SIPA1L1: variants seen among roughly 807,000 people sequenced by gnomAD.
SIPA1L1 encodes signal-induced proliferation-associated 1-like protein 1.
Under a neutral mutation model 162.7 loss-of-function variants are expected in SIPA1L1, and 26 were observed. The ratio of observed to expected loss-of-function variants is 0.16; its 90% CI spans 0.12 to 0.22. The LOEUF (loss-of-function observed/expected upper bound fraction) is 0.22, where lower values mean the gene tolerates loss of function less well. Among genes scored for constraint, SIPA1L1 ranks in the 10% least tolerant of loss-of-function variants. The pLI is 1.00. For missense variants in SIPA1L1, 1,874 were observed against 2,241.0 expected (o/e 0.84, Z 3.31); for synonymous variants, 829 against 837.4 (o/e 0.99, Z 0.17).
chr14:71,472,355 CA>C (rs34186703), intron 2 of SIPA1L1, among the ~76,000 whole-genome samples: 261 of 136,500 alleles, frequency 1.9e-3, no homozygotes, highest in East Asian at 9.4e-3. Context: ...AGGCAAGCCT[CA>C]AAAAAAAAAA....
chr14:71,327,027 T>G (rs889014115), intron 2 of SIPA1L1, among the ~76,000 whole-genome samples: 1 of 151,774 alleles, frequency 6.6e-6, no homozygotes, highest in Admixed American at 6.6e-5. Flanking sequence ...TGGTATTTTT[T>G]GGGCTCATTG....
At chr14:71,598,321 A>G (rs1239525533) in intron 5 of SIPA1L1, 1 of 657,890 alleles carries the variant, frequency 1.5e-6, no homozygotes, top group Non-Finnish European at 1.9e-6. Context: ...CAGGATTTGC[A>G]TGATCTCCAG....
intron 2 of SIPA1L1, among the ~76,000 whole-genome samples, chr14:71,420,895 T>A (rs1328089397): frequency 6.6e-6 from 1 of 152,210 alleles, no homozygotes; most frequent in African/African-American, 2.4e-5. Flanking sequence ...TAGTCCATGT[T>A]TTCTCTATTG....
chr14:71,360,511 C>T (rs1393481107), intron 2 of SIPA1L1, among the ~76,000 whole-genome samples: 2 of 152,186 alleles, frequency 1.3e-5, no homozygotes, highest in Non-Finnish European at 2.9e-5. Flanking sequence ...ATGTACAAGC[C>T]TCTCTTTGGA....
At chr14:71,595,004 A>G (rs2035866807) in intron 5 of SIPA1L1, among the ~76,000 whole-genome samples, 1 of 152,180 alleles carries the variant, frequency 6.6e-6, no homozygotes, top group African/African-American at 2.4e-5. Context: ...GTGATCTCAA[A>G]GTCCCAGCGT....
chr14:71,411,810 C>G (rs2042426738), intron 2 of SIPA1L1, among the ~76,000 whole-genome samples: 1 of 152,152 alleles, frequency 6.6e-6, no homozygotes, highest in East Asian at 1.9e-4. Flanking sequence ...TTGGGTAGTT[C>G]CTGTGTACAC....
intron 4 of SIPA1L1, among the ~76,000 whole-genome samples, chr14:71,531,437 G>C (rs2053437955): frequency 6.6e-6 from 1 of 151,942 alleles, no homozygotes; most frequent in African/African-American, 2.4e-5. Context: ...TCAGTCATCT[G>C]GGAGCCTCCT....
chr14:71,580,037 G>T (rs1259432803), intron 4 of SIPA1L1, among the ~76,000 whole-genome samples: 1 of 152,200 alleles, frequency 6.6e-6, no homozygotes, highest in South Asian at 2.1e-4. Context: ...ATTTGTCTTA[G>T]AGATGCAGAT....
In SIPA1L1 at chr14:71,547,292, CTTTTTTT is replaced by C. The variant is rs753714304; in HGVS notation, c.-303+17938_-303+17944del. Among the ~76,000 whole-genome samples, 5 of 111,278 alleles carry C rather than the reference CTTTTTTT, an allele frequency of 4.5e-5. No homozygotes were observed. The South Asian group carries it at 1.0e-3, about 22-fold the overall frequency. 73.0% of individuals were successfully genotyped at this position (111,278 alleles called of 152,430 possible). ...GATTCGTCACTTAATATGAAAATAA[CTTTTTTT>C]TTTTTTTTTTTTTTTGAGATGGAGT... On this transcript the variant is annotated intron_variant, in intron 4 of 23. Transcript: ENST00000381232.
At position 71,590,021 on chromosome 14, in the gene SIPA1L1, TAAAAAAAA is replaced by T. The variant is rs200463823; in HGVS notation, c.1498+668_1498+675del. ...CTAATCTTTTCTTTGAGTGGGAGAG[TAAAAAAAA>T]AAAAAAAAAAAAAAAATATATATAT... On this transcript the variant is annotated intron_variant, in intron 5 of 23. Transcript: ENST00000381232. Among the ~76,000 whole-genome samples, 813 of 84,706 alleles carry T rather than the reference TAAAAAAAA, an allele frequency of 9.6e-3. 6 individuals are homozygous for T. Among genetic ancestry groups the T allele is most frequent in the East Asian group, 0.04 (107 of 2,680 alleles). The allele number at this position is 84,706 out of a possible 152,430, so 55.6% of individuals were successfully genotyped here.
chr14:71,444,183 A>G (rs2045154493), intron 2 of SIPA1L1, among the ~76,000 whole-genome samples: 1 of 152,166 alleles, frequency 6.6e-6, no homozygotes. Context: ...GCATATACCT[A>G]GCAAGTACAT....
At chr14:71,607,530 G>A (rs1415721206) in intron 5 of SIPA1L1, among the ~76,000 whole-genome samples, 3 of 152,056 alleles carry the variant, frequency 2.0e-5, no homozygotes, top group Non-Finnish European at 2.9e-5. Flanking sequence ...ATTGGCCTGT[G>A]ATTTCAAGTG....
chr14:71,548,815 T>C (rs1426168695), intron 4 of SIPA1L1, among the ~76,000 whole-genome samples: 1 of 150,392 alleles, frequency 6.6e-6, no homozygotes, highest in Admixed American at 6.7e-5. Flanking sequence ...CAAGAATCCC[T>C]TGAACCTGAG....
intron 2 of SIPA1L1, among the ~76,000 whole-genome samples, chr14:71,337,116 A>G (rs1253393069): frequency 6.6e-6 from 1 of 152,102 alleles, no homozygotes; most frequent in African/African-American, 2.4e-5. Context: ...TTGCTACATC[A>G]AAGTCATACT....
chr14:71,675,385 C>A (rs1001690041), intron 12 of SIPA1L1, among the ~76,000 whole-genome samples: 4 of 152,110 alleles, frequency 2.6e-5, no homozygotes, highest in African/African-American at 9.7e-5. Context: ...ATACAGTTTC[C>A]ATCTGAAAAG....
chr14:71,678,827 G>A (rs894769838), intron 12 of SIPA1L1, among the ~76,000 whole-genome samples: 8 of 151,840 alleles, frequency 5.3e-5, no homozygotes, highest in Non-Finnish European at 1.0e-4. Context: ...CCTGTTATTG[G>A]TCTATTCAGG....
At chr14:71,444,028 T>C (rs796473007) in intron 2 of SIPA1L1, among the ~76,000 whole-genome samples, 3 of 152,308 alleles carry the variant, frequency 2.0e-5, no homozygotes, top group African/African-American at 7.2e-5. Flanking sequence ...GACAATCTTG[T>C]TTTTCTTCAT....
intron 8 of SIPA1L1, among the ~76,000 whole-genome samples, chr14:71,657,152 A>G (rs989293010): frequency 6.6e-6 from 1 of 152,110 alleles, no homozygotes; most frequent in African/African-American, 2.4e-5. Context: ...GATTGAGACC[A>G]TCCTGGCCAA....
At chr14:71,487,532 G>A (rs1460320825) in intron 2 of SIPA1L1, among the ~76,000 whole-genome samples, 1 of 152,170 alleles carries the variant, frequency 6.6e-6, no homozygotes, top group Non-Finnish European at 1.5e-5. Context: ...TGGCATCTGT[G>A]TATGGTGTAT....
Sources: allele counts gnomAD v4.1 joint callset (sites outside exome capture counted in the v4.1 genomes callset), GRCh38; gene constraint gnomAD v4.1.1; transcripts MANE v1.5; gene names NCBI Gene and HGNC (gene_info 2026-07-23, HGNC 2026-07-21).